PRDM16: variants seen among roughly 807,000 people sequenced by gnomAD.
The protein encoded by PRDM16 is histone-lysine N-methyltransferase PRDM16.
In PRDM16, 23 loss-of-function variants were observed where a neutral mutation model predicts 110.6. That is an observed-to-expected ratio of 0.21 (90% confidence interval 0.15 to 0.29). The LOEUF (loss-of-function observed/expected upper bound fraction) is 0.29. Ranked by LOEUF, PRDM16 falls within the 10% of genes least tolerant of loss-of-function variation. PRDM16 has a pLI of 1.00. For synonymous variants in PRDM16, 799 were observed against 781.8 expected (o/e 1.02, Z -0.37); for missense variants, 1,615 against 1,794.3 (o/e 0.90, Z 1.81).
chr1:3,386,725 G>A (rs965491793), intron 4 of PRDM16: 1 of 152,212 alleles, frequency 6.6e-6, no homozygotes, highest in African/African-American at 2.4e-5. Flanking sequence ...GCGCATAGAA[G>A]GACGGTCTTT....
chr1:3,118,653 G>A, intron 1 of PRDM16, among the ~76,000 whole-genome samples: 1 of 152,230 alleles, frequency 6.6e-6, no homozygotes, highest in East Asian at 1.9e-4. Flanking sequence ...GTGCTCTGTG[G>A]CATATGACCA....
At position 3,190,518 on chromosome 1, in the gene PRDM16, T is replaced by C. The variant is rs1462464345; in HGVS notation, c.387+4044T>C. On this transcript the variant is annotated intron_variant, in intron 2 of 16. Coordinates refer to ENST00000270722, the MANE Select transcript of PRDM16 (RefSeq NM_022114.4). This position sits in a 1 kb window ranked among gnomAD's most constrained non-coding sequence, Gnocchi z 5.0. ...GGGTGCTGCGAGGCATCCTGAGCTG[T>C]GCCCTGAGTCAGATGCCCCACCCCC... Among the ~76,000 whole-genome samples the C allele has an allele frequency of 6.6e-6, 1 of 152,178 alleles. No homozygotes were observed. Among genetic ancestry groups the C allele is most frequent in the African/African-American group, 2.4e-5 (1 of 41,456 alleles).
At position 3,358,238 on chromosome 1, in the gene PRDM16, A is replaced by T. The variant is rs544529079; in HGVS notation, c.439-26914A>T. On this transcript the variant is annotated intron_variant, in intron 3 of 16. Coordinates refer to ENST00000270722, the MANE Select transcript of PRDM16 (RefSeq NM_022114.4). The surrounding 1 kb of genome is among the most constrained non-coding windows in gnomAD (Gnocchi z 4.0). Reference sequence around the variant, plus strand: ...TTCCTCCCTGTACACAGATAAAGTCACCATGAGACTCCCGGTTCTGCCTCC... The same window carrying T: ...TTCCTCCCTGTACACAGATAAAGTCTCCATGAGACTCCCGGTTCTGCCTCC... Among the ~76,000 whole-genome samples, 4 of 152,294 alleles carry T rather than the reference A, an allele frequency of 2.6e-5. No individual in the cohort carries two copies. The East Asian group carries it at 7.7e-4, about 29-fold the overall frequency.
chr1:3,297,157 T>G (rs1052939660), intron 3 of PRDM16, among the ~76,000 whole-genome samples: 4 of 152,200 alleles, frequency 2.6e-5, no homozygotes, highest in African/African-American at 4.8e-5. Flanking sequence ...TCTGTCCGCT[T>G]TCTGCCCAGT....
intron 10 of PRDM16, 64 bp from the exon 11 acceptor site, chr1:3,417,764 T>C (rs1638310059): frequency 1.4e-6 from 2 of 1,409,948 alleles, no homozygotes; most frequent in African/African-American, 2.8e-5. Context: ...CCCCCAGCAG[T>C]GCGTGCCCCT....
At chr1:3,117,137 C>T (rs1642980987) in intron 1 of PRDM16, among the ~76,000 whole-genome samples, 1 of 152,246 alleles carries the variant, frequency 6.6e-6, no homozygotes, top group African/African-American at 2.4e-5. Flanking sequence ...TGCTCTTCTG[C>T]TCCGGCTGTT....
intron 1 of PRDM16, among the ~76,000 whole-genome samples, chr1:3,171,526 G>T (rs1644025549): frequency 6.6e-6 from 1 of 152,188 alleles, no homozygotes; most frequent in African/African-American, 2.4e-5. Context: ...CAGGGTCACT[G>T]GCCATCCCTT....
At chr1:3,173,033 C>T (rs1041707490) in intron 1 of PRDM16, among the ~76,000 whole-genome samples, 2 of 152,194 alleles carry the variant, frequency 1.3e-5, no homozygotes, top group African/African-American at 4.8e-5. Context: ...GAGCCAACAC[C>T]GCCTGGTATT....
At chr1:3,225,937 G>A (rs183194598) in intron 2 of PRDM16, among the ~76,000 whole-genome samples, 11 of 152,366 alleles carry the variant, frequency 7.2e-5, no homozygotes, top group Admixed American at 2.6e-4. Flanking sequence ...GGAACAAATC[G>A]GATCAGGTGA....
intron 2 of PRDM16, among the ~76,000 whole-genome samples, chr1:3,214,583 A>G (rs964696937): frequency 6.6e-6 from 1 of 152,140 alleles, no homozygotes; most frequent in Non-Finnish European, 1.5e-5. Flanking sequence ...TGTAATCCCA[A>G]CTACTTGGGA....
At chr1:3,430,720 T>C (rs925327929) in intron 14 of PRDM16, 152 bp from the exon 15 acceptor site, 4 of 905,058 alleles carry the variant, frequency 4.4e-6, no homozygotes, top group Non-Finnish European at 7.0e-6. Context: ...AGTCAGTGGC[T>C]GGGCCCAGGG....
At position 3,169,288 on chromosome 1, in the gene PRDM16, G is replaced by A. The variant is rs115539331; in HGVS notation, c.38-16837G>A. Among the ~76,000 whole-genome samples the A allele has an allele frequency of 6.1e-3, 929 of 152,132 alleles. 16 individuals are homozygous for A. Among genetic ancestry groups the A allele is most frequent in the African/African-American group, 0.022 (894 of 41,476 alleles). On this transcript the variant is annotated intron_variant, in intron 1 of 16. Coordinates refer to ENST00000270722, the MANE Select transcript of PRDM16 (RefSeq NM_022114.4). The stretch of plus-strand genomic sequence containing the variant: ...TGTGATTCCTAAGGCCCTTCCATCC[G>A]GCCCCCACCACCCTGAATCCCTAGG...
chr1:3,328,678 C>G (rs939083063), intron 3 of PRDM16, among the ~76,000 whole-genome samples: 2 of 152,154 alleles, frequency 1.3e-5, no homozygotes, highest in Non-Finnish European at 2.9e-5. Flanking sequence ...TTATCAGACC[C>G]AGGAAGGAGA....
chr1:3,259,440 G>T (rs1248579575), intron 3 of PRDM16, among the ~76,000 whole-genome samples: 1 of 152,208 alleles, frequency 6.6e-6, no homozygotes, highest in Non-Finnish European at 1.5e-5. Flanking sequence ...GATGATCTTA[G>T]GGCACAACTG....
intron 1 of PRDM16, among the ~76,000 whole-genome samples, chr1:3,139,457 G>C (rs535228328): frequency 6.6e-6 from 1 of 152,374 alleles, no homozygotes; most frequent in South Asian, 2.1e-4. Context: ...GCACCCTTGG[G>C]AGAGCAGACG....
intron 2 of PRDM16, among the ~76,000 whole-genome samples, chr1:3,210,941 G>A (rs1365009867): frequency 6.6e-6 from 1 of 152,102 alleles, no homozygotes; most frequent in Non-Finnish European, 1.5e-5. Flanking sequence ...ATATGCATTT[G>A]TTTGTCCATT....
intron 1 of PRDM16, among the ~76,000 whole-genome samples, chr1:3,154,161 C>T (rs1034956517): frequency 5.3e-5 from 8 of 152,164 alleles, no homozygotes; most frequent in South Asian, 2.1e-4. Flanking sequence ...TGGCTGTCAC[C>T]GGGACCTGCC....
chr1:3,107,319 T>C (rs1168320913), intron 1 of PRDM16, among the ~76,000 whole-genome samples: 1 of 152,126 alleles, frequency 6.6e-6, no homozygotes, highest in African/African-American at 2.4e-5. Context: ...GGCAAAGAGC[T>C]GGGAGCAGGT....
At chr1:3,181,819 TGC>T (rs1195956219) in intron 1 of PRDM16, among the ~76,000 whole-genome samples, 80 of 27,668 alleles carry the variant, frequency 2.9e-3, no homozygotes, top group Non-Finnish European at 8.2e-3. Flanking sequence ...GTCTTACACA[TGC>T]GGTCTTACAC....
Sources: allele counts gnomAD v4.1 joint callset (sites outside exome capture counted in the v4.1 genomes callset), GRCh38; gene constraint gnomAD v4.1.1; non-coding constraint Gnocchi (gnomAD v3.1); transcripts MANE v1.5; gene names NCBI Gene and HGNC (gene_info 2026-07-23, HGNC 2026-07-21).